The following LYPD4 variants were observed in gnomAD, a reference collection of about 807,000 sequenced individuals.
LYPD4 encodes LY6/PLAUR domain containing 4.
In LYPD4, 20 loss-of-function variants were observed where a neutral mutation model predicts 18.2. The ratio of observed to expected loss-of-function variants is 1.10; its 90% CI spans 0.77 to 1.59. The LOEUF is 1.59. Among genes scored for constraint, LYPD4 ranks in the 40% most tolerant of loss-of-function variants. The probability of loss-of-function intolerance (pLI) is 0.00; values close to 1 mark genes in which losing one functional copy is unlikely to be tolerated. For synonymous variants in LYPD4, 111 were observed against 118.3 expected (o/e 0.94, Z 0.40); for missense variants, 278 against 300.3 (o/e 0.93, Z 0.55).
chr19:41,840,789 C>T (rs1264420521), intron 1 of LYPD4, among the ~76,000 whole-genome samples: 4 of 151,126 alleles, frequency 2.6e-5, no homozygotes, highest in South Asian at 2.1e-4. Context: ...AAGATTGCGA[C>T]GCTGCACTCC....
chr19:41,835,780 C>T (rs116977921), downstream of LYPD4: 10,661 of 985,334 alleles, frequency 0.011, 72 homozygotes, highest in Middle Eastern at 0.023. Context: ...GGTGCAGGCA[C>T]GTGTGCTTCA....
At chr19:41,843,059 A>C (rs2073681534) in intron 1 of LYPD4, among the ~76,000 whole-genome samples, 4 of 54,432 alleles carry the variant, frequency 7.3e-5, no homozygotes, top group African/African-American at 3.1e-4. Context: ...AAAAAAAAAA[A>C]AAAAAAAAAA....
intron 1 of LYPD4, among the ~76,000 whole-genome samples, chr19:41,841,545 A>G (rs2073590371): frequency 6.6e-6 from 1 of 151,618 alleles, no homozygotes; most frequent in Non-Finnish European, 1.5e-5. Context: ...ACGTGCCTGC[A>G]GTCCCAGCTA....
At chr19:41,835,353 C>G (rs143004105), downstream of LYPD4, 2 of 152,228 alleles carry the variant, frequency 1.3e-5, no homozygotes, top group Non-Finnish European at 2.9e-5. Flanking sequence ...TGTCCTGTCC[C>G]TGGTATCAGG....
At chr19:41,842,874 TATAAC>T (rs1323249223) in intron 1 of LYPD4, among the ~76,000 whole-genome samples, 2 of 141,510 alleles carry the variant, frequency 1.4e-5, no homozygotes, top group Admixed American at 7.1e-5. Flanking sequence ...ACAAATAGTA[TATAAC>T]ATAATATCAC....
Position 41,837,819 on chromosome 19 carries a change from T to A in LYPD4, c.538+116A>T, listed in dbSNP as rs2073416729. 2.7e-6 allele frequency: 3 copies of A among 1,115,396 alleles called. No homozygotes were observed. In the Admixed American group the frequency reaches 8.5e-5, roughly 32 times the overall value. The allele number at this position is 1,115,396 out of a possible 1,614,324, so 69.1% of individuals were successfully genotyped here. ...TCCTCCTTGGAATTCATGTGCCCTGTCCCTTGCAACCCCAATCCCATCTCT... is the reference window on the plus strand; with the variant it reads ...TCCTCCTTGGAATTCATGTGCCCTGACCCTTGCAACCCCAATCCCATCTCT... On this transcript the variant is annotated intron_variant, in intron 4 of 4. Coordinates refer to ENST00000609812, the MANE Select transcript of LYPD4 (RefSeq NM_173506.7).
chr19:41,836,965 A>G (rs1464659679), downstream of LYPD4: 48 of 1,228,958 alleles, frequency 3.9e-5, no homozygotes, highest in Non-Finnish European at 4.7e-5. Flanking sequence ...TGGGCAGGAC[A>G]CTGTCACTTT....
At chr19:41,836,961 G>A, downstream of LYPD4, 2 of 1,211,426 alleles carry the variant, frequency 1.7e-6, no homozygotes, top group Non-Finnish European at 1.1e-6. Flanking sequence ...TTGCTGGGCA[G>A]GACACTGTCA....
chr19:41,835,869 T>A (rs782036342), downstream of LYPD4: 175 of 978,766 alleles, frequency 1.8e-4, no homozygotes, highest in Non-Finnish European at 2.0e-4. Flanking sequence ...GCCTGTAAAA[T>A]GCAAATACAG....
chr19:41,839,054 G>C lies in LYPD4; in HGVS notation c.68-30C>G, dbSNP rs782441102. Reference sequence around the variant, plus strand: ...AAAGAGAATGCTCTCCCAGTCATTGGCCCCTCATATCATCTTCTGAGCCCG... The same window carrying C: ...AAAGAGAATGCTCTCCCAGTCATTGCCCCCTCATATCATCTTCTGAGCCCG... On this transcript the variant is annotated intron_variant, in intron 2 of 4. Transcript: ENST00000609812. 7 of 1,612,198 alleles carry C rather than the reference G, an allele frequency of 4.3e-6. No homozygotes were observed. In the South Asian group the frequency reaches 7.7e-5, roughly 18 times the overall value.
Position 41,843,029 on chromosome 19 carries a change from C to A in LYPD4, c.-121+549G>T, listed in dbSNP as rs1555833969. ...CCTGGTTAATATGGCAAAACCCCATCGCTAAAAAAAAAAAAAAAAAAAAAA... is the reference window on the plus strand; with the variant it reads ...CCTGGTTAATATGGCAAAACCCCATAGCTAAAAAAAAAAAAAAAAAAAAAA... On this transcript the variant is annotated intron_variant, in intron 1 of 4. Transcript: ENST00000609812. Among the ~76,000 whole-genome samples the A allele has an allele frequency of 9.1e-5, 6 of 65,908 alleles. No individual in the cohort carries two copies. In the South Asian group the frequency reaches 3.5e-3, roughly 38 times the overall value. 43.2% of individuals were successfully genotyped at this position (65,908 alleles called of 152,430 possible). A position where few individuals can be genotyped will look rare whatever the true frequency, so the allele number is the denominator to read the frequency against.
chr19:41,840,844 T>A (rs1329612883), intron 1 of LYPD4, among the ~76,000 whole-genome samples: 17 of 150,780 alleles, frequency 1.1e-4, no homozygotes, highest in African/African-American at 2.2e-4. Context: ...AAAAAAAAAA[T>A]AAAATAAAAT....
rs1323560661 is a variant in LYPD4 at position 41,844,677 on chromosome 19, C to T, written c.-1220G>A. On this transcript the variant is annotated 5_prime_UTR_variant, in exon 1 of 5. Transcript: ENST00000609812. ...CGAGGCAACCCGTGCACAGACCGGGCTTGGTCAACGCCCCAGGGGCGGGGC... is the reference window on the plus strand; with the variant it reads ...CGAGGCAACCCGTGCACAGACCGGGTTTGGTCAACGCCCCAGGGGCGGGGC... 6.6e-6 allele frequency: 1 copy of T among 152,300 alleles called. No homozygotes were observed. Among genetic ancestry groups the T allele is most frequent in the East Asian group, 1.9e-4 (1 of 5,178 alleles). 9.4% of individuals were successfully genotyped at this position (152,300 alleles called of 1,614,324 possible).
intron 1 of LYPD4, among the ~76,000 whole-genome samples, chr19:41,842,967 G>A (rs2073663931): frequency 7.3e-6 from 1 of 137,298 alleles, no homozygotes; most frequent in South Asian, 2.4e-4. Flanking sequence ...GGAGGCCAAG[G>A]CAGACAGATC....
chr19:41,844,663 G>T lies in LYPD4; in HGVS notation c.-1206C>A, dbSNP rs1411052717. ...GGGAAGGCCAGAAACGAGGCAACCC[G>T]TGCACAGACCGGGCTTGGTCAACGC... On this transcript the variant is annotated 5_prime_UTR_variant, in exon 1 of 5. Transcript: ENST00000609812. 1 of 152,418 alleles carries T rather than the reference G, an allele frequency of 6.6e-6. No individual in the cohort carries two copies. Among genetic ancestry groups the T allele is most frequent in the African/African-American group, 2.4e-5 (1 of 41,466 alleles). The allele number at this position is 152,418 out of a possible 1,614,324, so 9.4% of individuals were successfully genotyped here.
Position 41,844,640 on chromosome 19 carries a change from G to A in LYPD4, c.-1183C>T, listed in dbSNP as rs1306313367. ...CGCGAAGTCGAGGTACAAGGCAAGGGAAGGCCAGAAACGAGGCAACCCGTG... is the reference window on the plus strand; with the variant it reads ...CGCGAAGTCGAGGTACAAGGCAAGGAAAGGCCAGAAACGAGGCAACCCGTG... On this transcript the variant is annotated 5_prime_UTR_variant, in exon 1 of 5. Coordinates refer to ENST00000609812, the MANE Select transcript of LYPD4 (RefSeq NM_173506.7). 6.6e-6 allele frequency: 1 copy of A among 152,318 alleles called. No individual in the cohort carries two copies. The highest frequency in any genetic ancestry group is 2.1e-4 in the South Asian group (1 of 4,832). The allele number at this position is 152,318 out of a possible 1,614,324, so 9.4% of individuals were successfully genotyped here. A position where few individuals can be genotyped will look rare whatever the true frequency, so the allele number is the denominator to read the frequency against.
chr19:41,838,323 C>T (rs1268591725), intron 3 of LYPD4, 62 bp from the exon 4 acceptor site: 1 of 1,374,624 alleles, frequency 7.3e-7, no homozygotes, highest in Non-Finnish European at 9.6e-7. Flanking sequence ...AGAGTCCTCC[C>T]TCCCCCCAGC....
chr19:41,836,416 G>A (rs945672816), downstream of LYPD4, among the ~76,000 whole-genome samples: 4 of 150,676 alleles, frequency 2.7e-5, no homozygotes, highest in Middle Eastern at 7.0e-3. Flanking sequence ...GGGGAGGTAA[G>A]GGAGATGCTA....
rs60674548 is a variant in LYPD4, at chr19:41,839,680, T to TGTGTGTGTGTGTGTGTGTGTGTGTGTG, written c.-120-276_-120-275insCACACACACACACACACACACACACAC. On this transcript the variant is annotated intron_variant, in intron 1 of 4. Coordinates refer to ENST00000609812, the MANE Select transcript of LYPD4 (RefSeq NM_173506.7). ...AATAGATGTTTCAAACTCGTGTGTG[T>TGTGTGTGTGTGTGTGTGTGTGTGTGTG]TGTGTGTGTGTGTGTGTGTGTGTGT... 12 of 213,582 alleles carry TGTGTGTGTGTGTGTGTGTGTGTGTGTG rather than the reference T, an allele frequency of 5.6e-5. 2 individuals carry two copies. The highest frequency in any genetic ancestry group is 1.0e-4 in the Non-Finnish European group (11 of 106,152). The allele number at this position is 213,582 out of a possible 1,614,324, so 13.2% of individuals were successfully genotyped here.
Sources: gnomAD v4.1 joint callset for allele counts (sites outside exome capture counted in the v4.1 genomes callset) on GRCh38, gnomAD v4.1.1 for gene constraint, MANE v1.5 for transcripts, NCBI Gene and HGNC (gene_info 2026-07-23, HGNC 2026-07-21) for gene names.